Variants in PPP2R5E observed in about 807,000 individuals in gnomAD.
PPP2R5E encodes serine/threonine-protein phosphatase 2A 56 kDa regulatory subunit epsilon isoform.
PPP2R5E carries 4 observed loss-of-function variants against 65.3 expected under a neutral mutation model. The observed-to-expected ratio is 0.06, with a 90% CI of 0.03 to 0.14. The LOEUF is 0.14. Among genes scored for constraint, PPP2R5E ranks in the 10% least tolerant of loss-of-function variants. PPP2R5E has a pLI of 1.00. For synonymous variants in PPP2R5E, 183 were observed against 187.4 expected, an observed-to-expected ratio of 0.98 and a Z score of 0.19; for missense variants, 274 against 556.1, an observed-to-expected ratio of 0.49 and a Z score of 5.10.
intron 3 of PPP2R5E, among the ~76,000 whole-genome samples, chr14:63,439,893 G>A (rs184587321): frequency 1.3e-5 from 2 of 152,290 alleles, no homozygotes; most frequent in African/African-American, 4.8e-5. Context: ...GGGAGAGAAG[G>A]CACAGTTCAA....
intron 4 of PPP2R5E, among the ~76,000 whole-genome samples, chr14:63,415,795 A>G (rs1375029961): frequency 2.0e-5 from 3 of 152,192 alleles, no homozygotes; most frequent in Non-Finnish European, 2.9e-5. Flanking sequence ...AGGCTTAGAC[A>G]TTTAAGTAGT....
chr14:63,393,310 C>T (rs1259937818), intron 8 of PPP2R5E, among the ~76,000 whole-genome samples: 11 of 152,162 alleles, frequency 7.2e-5, no homozygotes, highest in Admixed American at 7.2e-4. Flanking sequence ...GGGTTCCTCC[C>T]ACTTTAAAAA....
intron 5 of PPP2R5E, among the ~76,000 whole-genome samples, chr14:63,399,366 C>CTTTTTTTTTTTTTTTTTTTTTTTTTTTT (rs397814218): frequency 2.1e-5 from 1 of 48,504 alleles, no homozygotes; most frequent in African/African-American, 8.3e-5. Flanking sequence ...GGATTTCTTT[C>CTTTTTTTTTTTTTTTTTTTTTTTTTTTT]TTTTTTTTTT....
intron 13 of PPP2R5E, among the ~76,000 whole-genome samples, chr14:63,380,363 G>A (rs73272530): frequency 0.061 from 9,192 of 151,884 alleles, 719 homozygotes; most frequent in African/African-American, 0.17. Context: ...CTAATATACT[G>A]AATTAAAAGT....
intron 2 of PPP2R5E, among the ~76,000 whole-genome samples, chr14:63,521,347 T>C (rs1253963119): frequency 1.3e-5 from 2 of 152,216 alleles, no homozygotes; most frequent in Non-Finnish European, 2.9e-5. Context: ...ATGAGCATTA[T>C]TTCTAGAAGA....
rs534414982 is a variant in PPP2R5E, at chr14:63,380,185, T to C, written c.1304+1871A>G. 5.3e-5 allele frequency among the ~76,000 whole-genome samples: 8 copies of C among 152,194 alleles called. No individual in the cohort carries two copies. The East Asian group carries it at 9.7e-4, about 18-fold the overall frequency. ...TCTACGGATTTAATCCTGGTTCAAC[T>C]AGGATAATAATAATGTGCTTTCAGA... is the stretch of plus-strand genomic sequence containing the variant. On this transcript the variant is annotated intron_variant, in intron 13 of 13. Transcript: ENST00000337537.
At chr14:63,416,709 A>G (rs529032503) in intron 4 of PPP2R5E, among the ~76,000 whole-genome samples, 34 of 150,862 alleles carry the variant, frequency 2.3e-4, no homozygotes, top group African/African-American at 8.2e-4. Flanking sequence ...TATGTTCCTG[A>G]AAAAAAAAGA....
chr14:63,505,093 G>T (rs912699043), intron 2 of PPP2R5E, among the ~76,000 whole-genome samples: 12 of 152,166 alleles, frequency 7.9e-5, no homozygotes, highest in African/African-American at 2.9e-4. Flanking sequence ...CCAGTACTTT[G>T]GGAGGCCGAG....
chr14:63,535,787 T>A (rs116407716), intron 2 of PPP2R5E, among the ~76,000 whole-genome samples: 1,673 of 152,268 alleles, frequency 0.011, 16 homozygotes, highest in African/African-American at 0.024. Flanking sequence ...CCCAATTTAG[T>A]CAAAGCAATA....
chr14:63,454,470 C>T (rs10148185), intron 2 of PPP2R5E, among the ~76,000 whole-genome samples: 55,364 of 151,940 alleles, frequency 0.36, 14,151 homozygotes, highest in African/African-American at 0.73. Flanking sequence ...AGCACACCAG[C>T]AATAAGAAAA....
chr14:63,541,088 A>G (rs1349446212), intron 1 of PPP2R5E, among the ~76,000 whole-genome samples: 1 of 152,214 alleles, frequency 6.6e-6, no homozygotes, highest in African/African-American at 2.4e-5. Context: ...GAAATTTACT[A>G]CTACTGAAAC....
intron 2 of PPP2R5E, among the ~76,000 whole-genome samples, chr14:63,478,960 A>T (rs954275994): frequency 1.3e-5 from 2 of 151,788 alleles, no homozygotes; most frequent in East Asian, 3.9e-4. Context: ...CCCATCTTGT[A>T]CTAAAAATCC....
chr14:63,462,073 A>ATTT (rs10717359), intron 2 of PPP2R5E, among the ~76,000 whole-genome samples: 32 of 144,736 alleles, frequency 2.2e-4, no homozygotes, highest in African/African-American at 8.0e-4. Flanking sequence ...TTTCAACTGT[A>ATTT]TTTTTTTTTT....
intron 4 of PPP2R5E, among the ~76,000 whole-genome samples, chr14:63,420,207 G>T (rs899922041): frequency 2.6e-5 from 4 of 152,096 alleles, no homozygotes; most frequent in Admixed American, 1.3e-4. Context: ...CTCTTTCCTT[G>T]TCTTTTCCAC....
intron 2 of PPP2R5E, among the ~76,000 whole-genome samples, chr14:63,519,569 G>A (rs991108384): frequency 2.0e-5 from 3 of 150,864 alleles, no homozygotes; most frequent in African/African-American, 7.3e-5. Flanking sequence ...GGCCAGGGGG[G>A]TCTCGAACTC....
At chr14:63,525,397 T>C (rs1335052346) in intron 2 of PPP2R5E, among the ~76,000 whole-genome samples, 1 of 152,146 alleles carries the variant, frequency 6.6e-6, no homozygotes, top group African/African-American at 2.4e-5. Flanking sequence ...ACTTCTCCCT[T>C]CAAATACCTT....
chr14:63,439,229 A>T (rs1168133335), intron 3 of PPP2R5E, among the ~76,000 whole-genome samples: 1 of 152,176 alleles, frequency 6.6e-6, no homozygotes, highest in Non-Finnish European at 1.5e-5. Flanking sequence ...CCACAGTGCT[A>T]AGCACTGTTC....
chr14:63,393,868 T>C lies in PPP2R5E; in HGVS notation c.801A>G (p.Val267=). The stretch of plus-strand genomic sequence containing the variant: ...TCCTGACAGTGTGTAAAGGGATCAA[T>C]ACTTTCACCAGAAACTGTTTGTGTT... ...KAEHKQFLVK[V]LIPLHTVRSL... The change falls in exon 8 of 14, where the codon GTA becomes GTG. Residue 267 remains valine, a synonymous_variant. Coordinates refer to ENST00000337537, the MANE Select transcript of PPP2R5E (RefSeq NM_006246.5). 1.2e-6 allele frequency: 2 copies of C among 1,612,050 alleles called. No individual in the cohort carries two copies. Among genetic ancestry groups the C allele is most frequent in the Non-Finnish European group, 1.7e-6 (2 of 1,178,242 alleles).
At chr14:63,405,568 G>A (rs376505739) in intron 5 of PPP2R5E, among the ~76,000 whole-genome samples, 13 of 152,278 alleles carry the variant, frequency 8.5e-5, no homozygotes, top group Admixed American at 2.0e-4. Flanking sequence ...ATATGTTTAC[G>A]GGGATACTTG....
Sources: allele counts gnomAD v4.1 joint callset (sites outside exome capture counted in the v4.1 genomes callset), GRCh38; gene constraint gnomAD v4.1.1; transcripts MANE v1.5; gene names NCBI Gene and HGNC (gene_info 2026-07-23, HGNC 2026-07-21).